VWDE: variants seen among roughly 807,000 people sequenced by gnomAD.
VWDE encodes von Willebrand factor D and EGF domain-containing protein.
Under a neutral mutation model 178.4 loss-of-function variants are expected in VWDE, and 207 were observed. That is an observed-to-expected ratio of 1.16 (90% CI 1.04 to 1.30). VWDE has a LOEUF of 1.30. Ranked by LOEUF, VWDE falls within the 50% of genes most tolerant of loss-of-function variation. The pLI, the probability that VWDE is intolerant of heterozygous loss-of-function variation, is 0.00. For missense variants in VWDE, 2,287 were observed against 1,901.3 expected, an observed-to-expected ratio of 1.20 and a Z score of -3.77; for synonymous variants, 738 against 651.4, an observed-to-expected ratio of 1.13 and a Z score of -2.02.
intron 28 of VWDE, among the ~76,000 whole-genome samples, chr7:12,332,566 T>C (rs972534823): frequency 2.0e-5 from 3 of 152,156 alleles, no homozygotes; most frequent in African/African-American, 7.2e-5. Flanking sequence ...TCAAATAATA[T>C]ATACTTAGGC....
Position 12,371,718 on chromosome 7 carries a change from C to G in VWDE, c.1588-854G>C, listed in dbSNP as rs146485302. 9.3e-3 allele frequency among the ~76,000 whole-genome samples: 1,419 copies of G among 152,162 alleles called. 24 individuals carry two copies. Among genetic ancestry groups the G allele is most frequent in the African/African-American group, 0.032 (1,309 of 41,524 alleles). On this transcript the variant is annotated intron_variant, in intron 10 of 28. Transcript: ENST00000275358. ...GATCTTTGTGCAAATTCCTCAAAAG[C>G]CTCTTTTATATTTTGGGCATATCTT...
intron 1 of VWDE, among the ~76,000 whole-genome samples, chr7:12,395,610 T>C (rs1221939705): frequency 2.0e-5 from 3 of 152,052 alleles, no homozygotes; most frequent in Non-Finnish European, 4.4e-5. Context: ...ATTTTATTTA[T>C]TTACTTTTAC....
chr7:12,393,765 A>G lies in VWDE; in HGVS notation c.72T>C (p.Ser24=), dbSNP rs57885954. 2 of 1,549,910 alleles carry G rather than the reference A, an allele frequency of 1.3e-6. No individual in the cohort carries two copies. Among genetic ancestry groups the G allele is most frequent in the East Asian group, 2.4e-5 (1 of 40,892 alleles). The change falls in exon 2 of 29, where the codon TCT becomes TCC. Residue 24 remains serine (S), a synonymous_variant. Coordinates refer to ENST00000275358, the MANE Select transcript of VWDE (RefSeq NM_001135924.3). The part of the protein sequence containing the change: ...FLAWGEAQEC[S]PGGHQFLRSP... ...TCCGAAGAAACTGGTGTCCCCCAGG[A>G]GAGCACTCCTGAGCTAGTATGGAAA...
chr7:12,357,593 A>G, intron 16 of VWDE, 78 bp from the exon 17 acceptor site: 4 of 1,457,520 alleles, frequency 2.7e-6, no homozygotes, highest in Non-Finnish European at 3.7e-6. Context: ...TCCCACAGAG[A>G]TATGCATTTT....
chr7:12,343,267 T>C, intron 21 of VWDE, 89 bp from the exon 22 acceptor site: 2 of 915,790 alleles, frequency 2.2e-6, no homozygotes, highest in Non-Finnish European at 3.3e-6. Context: ...TAAAATCTTG[T>C]TGTAAGAGTA....
intron 18 of VWDE, 96 bp from the exon 19 acceptor site, chr7:12,351,809 AAAC>A: frequency 9.3e-7 from 1 of 1,076,712 alleles, no homozygotes; most frequent in East Asian, 2.8e-5. Context: ...CACTTGGATT[AAAC>A]TCTGCAAATT....
At position 12,336,916 on chromosome 7, in the gene VWDE, C is replaced by T. The variant is rs1289642030; in HGVS notation, c.4558+72G>A. 6 of 1,363,602 alleles carry T rather than the reference C, an allele frequency of 4.4e-6. No individual in the cohort carries two copies. The East Asian group carries it at 1.0e-4, about 23-fold the overall frequency. 84.5% of individuals were successfully genotyped at this position (1,363,602 alleles called of 1,614,324 possible). ...CAAGCAAACAAAAGTGAAAAAAATG[C>T]TCTGTTTTAAACTCTGCTTTACATT... On this transcript the variant is annotated intron_variant, in intron 26 of 28. Transcript: ENST00000275358.
chr7:12,360,436 T>C (rs1782512870), intron 15 of VWDE, among the ~76,000 whole-genome samples: 1 of 152,072 alleles, frequency 6.6e-6, no homozygotes, highest in African/African-American at 2.4e-5. Context: ...AAAATAAAAA[T>C]CAAACAATCT....
At chr7:12,369,219 T>C (rs1783019797) in intron 12 of VWDE, among the ~76,000 whole-genome samples, 1 of 152,192 alleles carries the variant, frequency 6.6e-6, no homozygotes, top group Non-Finnish European at 1.5e-5. Flanking sequence ...GGCCCTGAGG[T>C]TAAATGATCT....
At position 12,348,841 on chromosome 7, in the gene VWDE, G is replaced by A. The variant is rs561642337; in HGVS notation, c.3886+2732C>T. Reference sequence around the variant, plus strand: ...GGAACCAACCCAAATGTCCAACAACGATAGACTGGATTAAGAAAATGTGGC... The same window carrying A: ...GGAACCAACCCAAATGTCCAACAACAATAGACTGGATTAAGAAAATGTGGC... On this transcript the variant is annotated intron_variant, in intron 19 of 28. Transcript: ENST00000275358. 1.1e-4 allele frequency among the ~76,000 whole-genome samples: 17 copies of A among 151,538 alleles called. No homozygotes were observed. In the South Asian group the frequency reaches 2.5e-3, roughly 22 times the overall value.
At chr7:12,374,643 T>C in intron 9 of VWDE, 46 bp downstream of exon 9, 1 of 1,337,364 alleles carries the variant, frequency 7.5e-7, no homozygotes, top group Non-Finnish European at 1.0e-6. Flanking sequence ...AACAACAAAA[T>C]CAAAGCAAAC....
intron 24 of VWDE, 96 bp from the exon 25 acceptor site, chr7:12,337,368 G>A (rs975512975): frequency 3.8e-6 from 4 of 1,042,920 alleles, no homozygotes; most frequent in Non-Finnish European, 5.8e-6. Context: ...GAGGACATAA[G>A]GCAGAGAAAT....
chr7:12,389,107 A>AATTACT lies in VWDE; in HGVS notation c.475+14_475+19dup, dbSNP rs1413524337. On this transcript the variant is annotated intron_variant, in intron 3 of 28. Transcript: ENST00000275358. Reference sequence around the variant, plus strand: ...GAGTTCCATGAATAACAGTCATGTGAATTACTGGTGTTTTCTTACCTTCCG... The same window carrying AATTACT: ...GAGTTCCATGAATAACAGTCATGTGAATTACTATTACTGGTGTTTTCTTACCTTCCG... 2 of 1,442,310 alleles carry AATTACT rather than the reference A, an allele frequency of 1.4e-6. No homozygotes were observed. The highest frequency in any genetic ancestry group is 3.9e-5 in the Admixed American group (2 of 50,732). 89.3% of individuals were successfully genotyped at this position (1,442,310 alleles called of 1,614,324 possible).
Position 12,342,065 on chromosome 7 carries a change from T to C in VWDE, c.4264A>G (p.Ser1422Gly). The C allele has an allele frequency of 6.4e-7, 1 of 1,551,058 alleles. No homozygotes were observed. The highest frequency in any genetic ancestry group is 8.7e-7 in the Non-Finnish European group (1 of 1,146,538). Residue 1422 changes from serine (S) to glycine (G), a missense_variant, in exon 23 of 29, where the codon AGT (serine) becomes GGT (glycine). Transcript: ENST00000275358. Reference sequence around the variant, plus strand: ...AAAATATTTCCAATTTTACCTGTACTACAGGTGGGTCCATACCAGCCAGGT... The same window carrying C: ...AAAATATTTCCAATTTTACCTGTACCACAGGTGGGTCCATACCAGCCAGGT... The part of the protein sequence containing the change: ...CKPGWYGPTC[S>G]TALCDPVCLN...
At chr7:12,360,798 T>C (rs539264434) in intron 15 of VWDE, among the ~76,000 whole-genome samples, 17 of 152,296 alleles carry the variant, frequency 1.1e-4, no homozygotes, top group Non-Finnish European at 2.4e-4. Context: ...TTTAACCAAA[T>C]GTATGTCACT....
chr7:12,389,382 G>C lies in VWDE; in HGVS notation c.244-24C>G, dbSNP rs943499417. 20 of 1,500,766 alleles carry C rather than the reference G, an allele frequency of 1.3e-5. No homozygotes were observed. The Admixed American group carries it at 3.9e-4, about 29-fold the overall frequency. The allele number at this position is 1,500,766 out of a possible 1,614,324, so 93.0% of individuals were successfully genotyped here. ...ATCTTTTGCAGGAGAGAAAACAAAA[G>C]TTGAAAATTCAGTTTATTTTCATCC... On this transcript the variant is annotated intron_variant, in intron 2 of 28. Transcript: ENST00000275358.
chr7:12,399,665 G>C (rs1650590370), intron 1 of VWDE, among the ~76,000 whole-genome samples: 1 of 152,036 alleles, frequency 6.6e-6, no homozygotes, highest in Non-Finnish European at 1.5e-5. Flanking sequence ...CAATCCGCTA[G>C]ACAATAAAAC....
chr7:12,355,578 A>T (rs1782196499), intron 18 of VWDE, among the ~76,000 whole-genome samples: 1 of 152,172 alleles, frequency 6.6e-6, no homozygotes, highest in Admixed American at 6.5e-5. Flanking sequence ...AAATATTCAT[A>T]TGAGTTTTTA....
At chr7:12,357,618 TCTGCTAAAAGGTCTATTAG>T in intron 16 of VWDE, 103 bp from the exon 17 acceptor site, 2 of 1,316,180 alleles carry the variant, frequency 1.5e-6, no homozygotes, top group Non-Finnish European at 2.0e-6. Context: ...AAGACTGAAC[TCTGCTAAAAGGTCTATTAG>T]CTGCTTTCAT....
Sources: gnomAD v4.1 joint callset for allele counts (sites outside exome capture counted in the v4.1 genomes callset) on GRCh38, gnomAD v4.1.1 for gene constraint, MANE v1.5 for transcripts, NCBI Gene and HGNC (gene_info 2026-07-23, HGNC 2026-07-21) for gene names.